The following PTPRD variants were observed in gnomAD, a reference collection of about 807,000 sequenced individuals.
PTPRD encodes the protein protein tyrosine phosphatase receptor type D.
Under a neutral mutation model 214.5 loss-of-function variants are expected in PTPRD, and 34 were observed. The ratio of observed to expected loss-of-function variants is 0.16; its 90% CI spans 0.12 to 0.21. PTPRD has a LOEUF of 0.21. Ranked by LOEUF, PTPRD falls within the 10% of genes least tolerant of loss-of-function variation. PTPRD has a pLI of 1.00. For missense variants in PTPRD, 2,545 were observed against 2,398.7 expected (o/e 1.06, Z -1.27); for synonymous variants, 1,128 against 845.7 (o/e 1.33, Z -5.79).
intron 7 of PTPRD, among the ~76,000 whole-genome samples, chr9:9,700,258 T>G (rs189201364): frequency 1.6e-3 from 243 of 152,262 alleles, no homozygotes; most frequent in African/African-American, 5.5e-3. Flanking sequence ...AAATGAAATT[T>G]TAATATTCCT....
chr9:10,159,009 T>C (rs2099111000), intron 3 of PTPRD, among the ~76,000 whole-genome samples: 1 of 152,108 alleles, frequency 6.6e-6, no homozygotes, highest in Admixed American at 6.6e-5. Flanking sequence ...AGGAGGTTTG[T>C]TCCACTGGTC....
intron 9 of PTPRD, among the ~76,000 whole-genome samples, chr9:9,278,751 T>G (rs1946586760): frequency 6.6e-6 from 1 of 151,414 alleles, no homozygotes; most frequent in African/African-American, 2.4e-5. Context: ...AACATGCAGT[T>G]AATAACGTTT....
rs1206235359 is a variant in PTPRD, at chr9:9,318,190, AAAAC to A, written c.-203+79255_-203+79258del. Among the ~76,000 whole-genome samples, 51 of 151,474 alleles carry A rather than the reference AAAAC, an allele frequency of 3.4e-4. 1 individual carries two copies. The highest frequency in any genetic ancestry group is 2.7e-3 in the Admixed American group (41 of 15,158). ...TCCATCAAAAAAAGAAACAAAAAAC[AAAAC>A]AAACAAACAAACAAAAACAAACAAA... On this transcript the variant is annotated intron_variant, in intron 9 of 45. Transcript: ENST00000381196.
At chr9:10,443,138 TAG>T (rs1346442795) in intron 2 of PTPRD, among the ~76,000 whole-genome samples, 1 of 150,790 alleles carries the variant, frequency 6.6e-6, no homozygotes, top group Non-Finnish European at 1.5e-5. Context: ...TTATTAGAGA[TAG>T]AGTCATGTGT....
At chr9:9,771,915 A>G (rs1565144958) in intron 5 of PTPRD, among the ~76,000 whole-genome samples, 1 of 152,204 alleles carries the variant, frequency 6.6e-6, no homozygotes, top group African/African-American at 2.4e-5. Context: ...TAATGATGCC[A>G]TAATAATTAG....
At chr9:8,773,845 T>C (rs1204990973) in intron 11 of PTPRD, among the ~76,000 whole-genome samples, 2 of 152,208 alleles carry the variant, frequency 1.3e-5, no homozygotes, top group African/African-American at 2.4e-5. Flanking sequence ...GTTTCCTGTC[T>C]AGAACTCTCT....
chr9:10,459,463 G>C (rs144701813), intron 2 of PTPRD, among the ~76,000 whole-genome samples: 1 of 152,114 alleles, frequency 6.6e-6, no homozygotes, highest in Admixed American at 6.5e-5. Context: ...CTAGATCCTT[G>C]AGGAATCACC....
intron 3 of PTPRD, among the ~76,000 whole-genome samples, chr9:10,131,951 G>A (rs2098892295): frequency 1.3e-5 from 2 of 152,168 alleles, no homozygotes. Context: ...GAGGTGATGA[G>A]GAAAAAGGTT....
At chr9:9,854,423 T>C (rs772461434) in intron 5 of PTPRD, among the ~76,000 whole-genome samples, 1 of 152,078 alleles carries the variant, frequency 6.6e-6, no homozygotes, top group Non-Finnish European at 1.5e-5. Context: ...TTGGGAAATA[T>C]TTATCCTATG....
At position 10,150,500 on chromosome 9, in the gene PTPRD, G is replaced by A. The variant is rs557714688; in HGVS notation, c.-544-116710C>T. Reference sequence around the variant, plus strand: ...CACGGGGTGGGGAACATCACATACCGGGGCCTTTCGTGGGGCAGGAGGAGG... The same window carrying A: ...CACGGGGTGGGGAACATCACATACCAGGGCCTTTCGTGGGGCAGGAGGAGG... On this transcript the variant is annotated intron_variant, in intron 3 of 45. Coordinates refer to ENST00000381196, the MANE Select transcript of PTPRD (RefSeq NM_002839.4). Among the ~76,000 whole-genome samples the A allele has an allele frequency of 5.3e-5, 8 of 152,020 alleles. No homozygotes were observed. In the South Asian group the frequency reaches 8.3e-4, roughly 16 times the overall value.
intron 3 of PTPRD, among the ~76,000 whole-genome samples, chr9:10,204,347 A>G (rs1296968567): frequency 2.0e-5 from 3 of 152,118 alleles, no homozygotes; most frequent in African/African-American, 7.2e-5. Flanking sequence ...AGTTTATAAT[A>G]CTAGAGAATA....
chr9:9,448,135 A>G (rs1297961446), intron 8 of PTPRD, among the ~76,000 whole-genome samples: 1 of 152,100 alleles, frequency 6.6e-6, no homozygotes, highest in Non-Finnish European at 1.5e-5. Context: ...ATGCATTTAA[A>G]TCAGGGTAGT....
chr9:8,691,925 GT>G (rs943765602), intron 12 of PTPRD, among the ~76,000 whole-genome samples: 1 of 152,114 alleles, frequency 6.6e-6, no homozygotes, highest in African/African-American at 2.4e-5. Context: ...TCATAATCAT[GT>G]TGGTTTTTCC....
At chr9:10,458,414 T>G (rs79663969) in intron 2 of PTPRD, among the ~76,000 whole-genome samples, 10,740 of 152,214 alleles carry the variant, frequency 0.071, 584 homozygotes, top group African/African-American at 0.14. Flanking sequence ...AATGGATACA[T>G]CATGTTAACA....
Position 8,933,333 on chromosome 9 carries a change from C to T in PTPRD, c.-104+85364G>A, listed in dbSNP as rs1033424122. 7.5e-5 allele frequency among the ~76,000 whole-genome samples: 5 copies of T among 66,764 alleles called. No individual in the cohort carries two copies. In the East Asian group the frequency reaches 5.6e-3, roughly 74 times the overall value. 43.8% of individuals were successfully genotyped at this position (66,764 alleles called of 152,430 possible). The stretch of plus-strand genomic sequence containing the variant: ...TATTTGGCCATCTTGCCAGCCACAA[C>T]CTTGAGGTTTTTTTTTTTTTTTTTT... On this transcript the variant is annotated intron_variant, in intron 11 of 45. Coordinates refer to ENST00000381196, the MANE Select transcript of PTPRD (RefSeq NM_002839.4).
chr9:9,625,151 C>A (rs980520088), intron 7 of PTPRD, among the ~76,000 whole-genome samples: 6 of 152,162 alleles, frequency 3.9e-5, no homozygotes, highest in African/African-American at 9.7e-5. Flanking sequence ...TTTATTCAGT[C>A]CTTATCCAGG....
chr9:9,966,246 T>TA (rs2094690767), intron 4 of PTPRD, among the ~76,000 whole-genome samples: 1 of 152,176 alleles, frequency 6.6e-6, no homozygotes, highest in Non-Finnish European at 1.5e-5. Flanking sequence ...CAACTTCTAA[T>TA]TTATCAATAA....
At chr9:9,290,027 C>T (rs573272546) in intron 9 of PTPRD, among the ~76,000 whole-genome samples, 1 of 151,660 alleles carries the variant, frequency 6.6e-6, no homozygotes, top group East Asian at 2.0e-4. Context: ...TTTTGAGGAG[C>T]CTTCATACTG....
intron 4 of PTPRD, among the ~76,000 whole-genome samples, chr9:9,989,289 T>C (rs924118926): frequency 4.6e-5 from 7 of 152,048 alleles, no homozygotes; most frequent in African/African-American, 1.7e-4. Context: ...TGCATTCCTG[T>C]TTTCCCACTT....
Sources: allele counts gnomAD v4.1 joint callset (sites outside exome capture counted in the v4.1 genomes callset), GRCh38; gene constraint gnomAD v4.1.1; transcripts MANE v1.5; gene names NCBI Gene and HGNC (gene_info 2026-07-23, HGNC 2026-07-21).